Variants in CCDC141 observed in about 807,000 individuals in gnomAD.
CCDC141 encodes coiled-coil domain-containing protein 141.
A neutral mutation model predicts 181.0 loss-of-function variants in CCDC141; 168 were observed. The ratio of observed to expected loss-of-function variants is 0.93; its 90% CI spans 0.82 to 1.05. The LOEUF (loss-of-function observed/expected upper bound fraction) is 1.05, where lower values mean the gene tolerates loss of function less well. CCDC141 is among the 50% of genes least tolerant of loss of function. The probability of loss-of-function intolerance (pLI) is 0.00; values close to 1 mark genes in which losing one functional copy is unlikely to be tolerated. For missense variants in CCDC141, 1,902 were observed against 1,788.5 expected, an observed-to-expected ratio of 1.06 and a Z score of -1.14; for synonymous variants, 666 against 642.3, an observed-to-expected ratio of 1.04 and a Z score of -0.56.
Position 178,878,975 on chromosome 2 carries a change from A to T in CCDC141, c.1720-832T>A, listed in dbSNP as rs78755335. Reference sequence around the variant, plus strand: ...AATCAGCAATAAACCAGAATAAAAAAGTATAAATAATTACTAATTTTCTGC... The same window carrying T: ...AATCAGCAATAAACCAGAATAAAAATGTATAAATAATTACTAATTTTCTGC... On this transcript the variant is annotated intron_variant, in intron 11 of 23. Coordinates refer to ENST00000443758, the MANE Select transcript of CCDC141 (RefSeq NM_173648.4). Among the ~76,000 whole-genome samples, 952 of 152,346 alleles carry T rather than the reference A, an allele frequency of 6.2e-3. 13 individuals are homozygous for T. Among genetic ancestry groups the T allele is most frequent in the South Asian group, 0.02 (98 of 4,828 alleles).
chr2:178,863,190 C>T (rs542798325), intron 17 of CCDC141, among the ~76,000 whole-genome samples: 154 of 152,278 alleles, frequency 1.0e-3, no homozygotes, highest in African/African-American at 3.5e-3. Flanking sequence ...ACTCTGTTGT[C>T]CTGTAGCATA....
Position 178,832,717 on chromosome 2 carries a change from T to C in CCDC141, c.*1456A>G, listed in dbSNP as rs1331319925. On this transcript the variant is annotated 3_prime_UTR_variant, in exon 24 of 24. Coordinates refer to ENST00000443758, the MANE Select transcript of CCDC141 (RefSeq NM_173648.4). ...AACTTGAATACATTACATTTAAATA[T>C]TTTGATTATTTGTAGACAGTCTTCC... 6.6e-6 allele frequency: 1 copy of C among 152,122 alleles called. No homozygotes were observed. Among genetic ancestry groups the C allele is most frequent in the African/African-American group, 2.4e-5 (1 of 41,418 alleles). The allele number at this position is 152,122 out of a possible 1,614,324, so 9.4% of individuals were successfully genotyped here. A position where few individuals can be genotyped will look rare whatever the true frequency, so the allele number is the denominator to read the frequency against.
Position 178,837,433 on chromosome 2 carries a change from C to T in CCDC141, c.3786G>A (p.Gln1262=). Residue 1262 remains glutamine, a synonymous_variant, in exon 23 of 24, where the codon CAG becomes CAA. Transcript: ENST00000443758. The stretch of plus-strand genomic sequence containing the variant: ...CAACAGGTGGTGGAAGAACAGATTC[C>T]TGGGCATCCCCTGGGCTGCTGGTCC... ...QAGTSSPGDA[Q]ESVLPPPVAF... 6.2e-7 allele frequency: 1 copy of T among 1,614,056 alleles called. No individual in the cohort carries two copies. The highest frequency in any genetic ancestry group is 8.5e-7 in the Non-Finnish European group (1 of 1,179,960).
intron 2 of CCDC141, among the ~76,000 whole-genome samples, chr2:178,988,253 G>A (rs2154382037): frequency 6.7e-6 from 1 of 148,820 alleles, no homozygotes; most frequent in Middle Eastern, 3.6e-3. Context: ...CTCACTCATA[G>A]GTGGGAATTG....
At chr2:178,856,480 C>G in intron 17 of CCDC141, 83 bp from the exon 18 acceptor site, 1 of 957,656 alleles carries the variant, frequency 1.0e-6, no homozygotes, top group Non-Finnish European at 1.5e-6. Context: ...CATCTGAACA[C>G]TTCAAAATAC....
At chr2:178,883,994 A>G (rs1193512185) in intron 11 of CCDC141, among the ~76,000 whole-genome samples, 2 of 152,174 alleles carry the variant, frequency 1.3e-5, no homozygotes, top group Non-Finnish European at 2.9e-5. Context: ...GTGTATTTCA[A>G]ATGAACCACA....
At chr2:178,853,750 A>G in intron 19 of CCDC141, 126 bp from the exon 20 acceptor site, 1 of 685,196 alleles carries the variant, frequency 1.5e-6, no homozygotes, top group Non-Finnish European at 2.4e-6. Flanking sequence ...TGAACTTTCT[A>G]AGTCATAATA....
chr2:178,995,608 A>G (rs1026497509), intron 2 of CCDC141, among the ~76,000 whole-genome samples: 4 of 152,220 alleles, frequency 2.6e-5, no homozygotes, highest in Non-Finnish European at 5.9e-5. Flanking sequence ...CAACAAAACA[A>G]AAAATCTAGA....
At chr2:178,965,639 C>T (rs1401415587) in intron 4 of CCDC141, among the ~76,000 whole-genome samples, 1 of 152,206 alleles carries the variant, frequency 6.6e-6, no homozygotes. Flanking sequence ...AGATTCCCTC[C>T]AGTGCCCACC....
intron 10 of CCDC141, among the ~76,000 whole-genome samples, 175 bp from the exon 11 acceptor site, chr2:178,885,267 T>TAAAAAAAAAAA (rs2154370568): frequency 6.6e-6 from 1 of 151,662 alleles, no homozygotes; most frequent in Admixed American, 6.6e-5. Context: ...AAGGGCACTT[T>TAAAAAAAAAAA]AGAATGAAAA....
chr2:178,963,514 T>C (rs933004966), intron 4 of CCDC141, among the ~76,000 whole-genome samples: 2 of 152,154 alleles, frequency 1.3e-5, no homozygotes, highest in Non-Finnish European at 2.9e-5. Flanking sequence ...GAACTGGTGC[T>C]GAAACTCAAG....
chr2:178,975,169 CA>C lies in CCDC141; in HGVS notation c.418-5del. The C allele has an allele frequency of 1.5e-6, 2 of 1,369,180 alleles. No homozygotes were observed. The highest frequency in any genetic ancestry group is 2.0e-6 in the Non-Finnish European group (2 of 998,466). 84.8% of individuals were successfully genotyped at this position (1,369,180 alleles called of 1,614,324 possible). A position where few individuals can be genotyped will look rare whatever the true frequency, so the allele number is the denominator to read the frequency against. ...CTTGGTCTATTTTAATAGCAAACTACAATAGAAATACAGAGGAAAGACATTT... is the reference window on the plus strand; with the variant it reads ...CTTGGTCTATTTTAATAGCAAACTACATAGAAATACAGAGGAAAGACATTT... On this transcript the variant is annotated splice_region_variant and splice_polypyrimidine_tract_variant and intron_variant, in intron 3 of 23. Coordinates refer to ENST00000443758, the MANE Select transcript of CCDC141 (RefSeq NM_173648.4).
At chr2:178,907,361 T>G (rs376055167) in intron 7 of CCDC141, among the ~76,000 whole-genome samples, 1 of 152,224 alleles carries the variant, frequency 6.6e-6, no homozygotes, top group African/African-American at 2.4e-5. Context: ...ATTTCCTGAC[T>G]CTGAGACCAC....
chr2:178,929,503 T>A (rs1050619377), intron 6 of CCDC141, among the ~76,000 whole-genome samples: 13 of 152,168 alleles, frequency 8.5e-5, no homozygotes, highest in African/African-American at 2.4e-4. Context: ...GCTCCTTTTT[T>A]AATAAATATA....
intron 6 of CCDC141, among the ~76,000 whole-genome samples, chr2:178,926,191 A>G (rs891417042): frequency 1.3e-5 from 2 of 152,152 alleles, no homozygotes; most frequent in Non-Finnish European, 2.9e-5. Context: ...TTTATTTGCA[A>G]TCACGGACAA....
intron 6 of CCDC141, among the ~76,000 whole-genome samples, chr2:178,943,726 C>A (rs1441595119): frequency 6.6e-6 from 1 of 152,010 alleles, no homozygotes; most frequent in Non-Finnish European, 1.5e-5. Flanking sequence ...CAATATGGAG[C>A]CTCTGTAAAG....
chr2:179,045,268 T>C (rs2043456292), intron 2 of CCDC141, among the ~76,000 whole-genome samples: 3 of 142,072 alleles, frequency 2.1e-5, no homozygotes, highest in South Asian at 2.4e-4. Context: ...TGGTGTTTGG[T>C]TTTTCGTTCT....
intron 6 of CCDC141, among the ~76,000 whole-genome samples, chr2:178,931,668 G>C (rs1249517474): frequency 6.6e-6 from 1 of 152,126 alleles, no homozygotes; most frequent in Non-Finnish European, 1.5e-5. Flanking sequence ...GGGGAGAGAG[G>C]AATGAAGATT....
chr2:178,936,167 G>A (rs1032553595), intron 6 of CCDC141, among the ~76,000 whole-genome samples: 2 of 152,018 alleles, frequency 1.3e-5, no homozygotes, highest in Non-Finnish European at 2.9e-5. Flanking sequence ...TGAACTCTTT[G>A]CCTATTCCTA....
Sources: allele counts gnomAD v4.1 joint callset (sites outside exome capture counted in the v4.1 genomes callset), GRCh38; gene constraint gnomAD v4.1.1; transcripts MANE v1.5; gene names NCBI Gene and HGNC (gene_info 2026-07-23, HGNC 2026-07-21).